The following JAK2 variants were observed in gnomAD, a reference collection of about 807,000 sequenced individuals.
The protein encoded by JAK2 is tyrosine-protein kinase JAK2.
A neutral mutation model predicts 139.3 loss-of-function variants in JAK2; 86 were observed. The ratio of observed to expected loss-of-function variants is 0.62; its 90% CI spans 0.52 to 0.74. JAK2 has a LOEUF of 0.74. Among genes scored for constraint, JAK2 ranks in the 30% least tolerant of loss-of-function variants. The pLI, the probability that JAK2 is intolerant of heterozygous loss-of-function variation, is 0.00. For missense variants in JAK2, 1,421 were observed against 1,360.3 expected (o/e 1.04, Z -0.70); for synonymous variants, 490 against 437.7 (o/e 1.12, Z -1.49).
intron 2 of JAK2, among the ~76,000 whole-genome samples, chr9:5,020,832 C>T (rs1822372228): frequency 6.6e-6 from 1 of 151,956 alleles, no homozygotes; most frequent in African/African-American, 2.4e-5. Flanking sequence ...GTCAGTGGGG[C>T]TCTAGGGGTG....
rs111423445 is a variant in JAK2 at position 5,129,059 on chromosome 9, A to C, written c.*2268A>C. On this transcript the variant is annotated 3_prime_UTR_variant, in exon 25 of 25. Coordinates refer to ENST00000381652, the MANE Select transcript of JAK2 (RefSeq NM_004972.4). The stretch of plus-strand genomic sequence containing the variant: ...ATTTGCTATGGAAGAGTGTTCTTTT[A>C]ACCTAAGGCTTCTAGTTTACAGTCA... Among the ~76,000 whole-genome samples the C allele has an allele frequency of 1.3e-3, 202 of 152,064 alleles. 2 individuals carry two copies. Among genetic ancestry groups the C allele is most frequent in the African/African-American group, 4.8e-3 (198 of 41,526 alleles).
At chr9:5,081,211 T>C (rs1759019485) in intron 18 of JAK2, among the ~76,000 whole-genome samples, 1 of 152,130 alleles carries the variant, frequency 6.6e-6, no homozygotes, top group African/African-American at 2.4e-5. Context: ...ACCTTTTCTT[T>C]CAGTAACCTA....
chr9:5,004,244 A>G (rs1821120378), intron 2 of JAK2, among the ~76,000 whole-genome samples: 1 of 152,110 alleles, frequency 6.6e-6, no homozygotes, highest in Non-Finnish European at 1.5e-5. Flanking sequence ...CCTCCTATCT[A>G]ACAGAAATTT....
At position 5,071,884 on chromosome 9, in the gene JAK2, A is replaced by G. The variant is rs564756167; in HGVS notation, c.1642-608A>G. Among the ~76,000 whole-genome samples, 39 of 152,356 alleles carry G rather than the reference A, an allele frequency of 2.6e-4. No individual in the cohort carries two copies. The South Asian group carries it at 7.9e-3, about 31-fold the overall frequency. On this transcript the variant is annotated intron_variant, in intron 12 of 24. Coordinates refer to ENST00000381652, the MANE Select transcript of JAK2 (RefSeq NM_004972.4). Reference sequence around the variant, plus strand: ...TGCAGGCTTTCAACAATTACTTTGTAAAGATATGCAAGAAATACTAGTATT... The same window carrying G: ...TGCAGGCTTTCAACAATTACTTTGTGAAGATATGCAAGAAATACTAGTATT...
chr9:5,037,733 C>T (rs1012429852), intron 4 of JAK2, among the ~76,000 whole-genome samples: 1 of 152,132 alleles, frequency 6.6e-6, no homozygotes, highest in Non-Finnish European at 1.5e-5. Flanking sequence ...GGAGGGATAG[C>T]ATTAGGAAAT....
At chr9:5,035,635 T>G (rs1379615083) in intron 4 of JAK2, among the ~76,000 whole-genome samples, 1 of 152,126 alleles carries the variant, frequency 6.6e-6, no homozygotes, top group Non-Finnish European at 1.5e-5. Context: ...GCAAAAACCA[T>G]ATGATTATCT....
At chr9:4,991,731 C>A (rs1032531639) in intron 2 of JAK2, among the ~76,000 whole-genome samples, 1 of 118,684 alleles carries the variant, frequency 8.4e-6, no homozygotes, top group Admixed American at 1.2e-4. Context: ...AATTCCTGTA[C>A]ACCAGGCAAC....
At chr9:5,013,653 T>A (rs1821853070) in intron 2 of JAK2, among the ~76,000 whole-genome samples, 1 of 152,244 alleles carries the variant, frequency 6.6e-6, no homozygotes, top group African/African-American at 2.4e-5. Flanking sequence ...TCATTACTTG[T>A]CAAAATTCTA....
At chr9:5,038,651 C>G (rs539742526) in intron 4 of JAK2, among the ~76,000 whole-genome samples, 1 of 149,342 alleles carries the variant, frequency 6.7e-6, no homozygotes, top group African/African-American at 2.5e-5. Flanking sequence ...GCTGGTTGAA[C>G]ATACCTAATA....
intron 8 of JAK2, among the ~76,000 whole-genome samples, chr9:5,062,706 T>C (rs1818275975): frequency 6.6e-6 from 1 of 152,046 alleles, no homozygotes; most frequent in Non-Finnish European, 1.5e-5. Context: ...TGTACACCTG[T>C]TTTCTTGTAT....
chr9:5,017,277 C>T (rs1323771271), intron 2 of JAK2, among the ~76,000 whole-genome samples: 1 of 152,086 alleles, frequency 6.6e-6, no homozygotes, highest in Non-Finnish European at 1.5e-5. Flanking sequence ...AGATACATTT[C>T]AGCAGGAAAA....
intron 2 of JAK2, among the ~76,000 whole-genome samples, chr9:4,991,984 T>G (rs1820282570): frequency 6.6e-6 from 1 of 152,132 alleles, no homozygotes; most frequent in Non-Finnish European, 1.5e-5. Flanking sequence ...ACTTAGTGAT[T>G]TAAAACAACT....
intron 22 of JAK2, chr9:5,114,160 A>C: frequency 2.4e-6 from 1 of 420,146 alleles, no homozygotes; most frequent in Non-Finnish European, 4.7e-6. Context: ...AGTGCCAAGA[A>C]GTGTGCAGAT....
chr9:5,102,777 T>G (rs1466965880), intron 22 of JAK2, among the ~76,000 whole-genome samples: 1 of 152,214 alleles, frequency 6.6e-6, no homozygotes, highest in East Asian at 1.9e-4. Flanking sequence ...ACCCAGAATT[T>G]CATATCCAGC....
chr9:5,079,092 TACTTAA>T (rs1392069250), intron 16 of JAK2, among the ~76,000 whole-genome samples: 10 of 152,220 alleles, frequency 6.6e-5, no homozygotes, highest in African/African-American at 1.9e-4. Flanking sequence ...AAGCTAATAG[TACTTAA>T]ACTTAATGAC....
chr9:5,078,203 C>T (rs1819441410), intron 15 of JAK2, 103 bp from the exon 16 acceptor site: 1 of 882,752 alleles, frequency 1.1e-6, no homozygotes, highest in Non-Finnish European at 1.7e-6. Context: ...ATTATACTAT[C>T]ATGTATTTTT....
At chr9:5,082,998 T>A (rs1819820337) in intron 19 of JAK2, among the ~76,000 whole-genome samples, 1 of 152,240 alleles carries the variant, frequency 6.6e-6, no homozygotes, top group Non-Finnish European at 1.5e-5. Context: ...CTTTTCCCTA[T>A]AACTGAAGAA....
intron 22 of JAK2, among the ~76,000 whole-genome samples, chr9:5,101,174 G>A (rs1308568809): frequency 1.3e-5 from 2 of 152,324 alleles, no homozygotes; most frequent in Admixed American, 6.5e-5. Context: ...GGACACTTTT[G>A]CCCAAATACT....
chr9:4,999,001 A>G (rs1405757595), intron 2 of JAK2, among the ~76,000 whole-genome samples: 1 of 148,788 alleles, frequency 6.7e-6, no homozygotes, highest in Admixed American at 6.6e-5. Flanking sequence ...TTTTTTTTGT[A>G]TTTTCAGTAG....
Sources: gnomAD v4.1 joint callset for allele counts (sites outside exome capture counted in the v4.1 genomes callset) on GRCh38, gnomAD v4.1.1 for gene constraint, MANE v1.5 for transcripts, NCBI Gene and HGNC (gene_info 2026-07-23, HGNC 2026-07-21) for gene names.